Variants in RELN observed in about 807,000 individuals in gnomAD.
RELN encodes the protein reelin.
Under a neutral mutation model 427.6 loss-of-function variants are expected in RELN, and 108 were observed. The observed-to-expected ratio is 0.25, with a 90% CI of 0.22 to 0.30. The LOEUF (loss-of-function observed/expected upper bound fraction) is 0.30. Among genes scored for constraint, RELN ranks in the 10% least tolerant of loss-of-function variants. The pLI, the probability that RELN is intolerant of heterozygous loss-of-function variation, is 1.00. For missense variants in RELN, 3,715 were observed against 4,302.8 expected (o/e 0.86, Z 3.82); for synonymous variants, 1,524 against 1,513.4 (o/e 1.01, Z -0.16).
chr7:103,599,973 C>T (rs767529742), intron 24 of RELN, among the ~76,000 whole-genome samples: 3 of 152,226 alleles, frequency 2.0e-5, no homozygotes, highest in East Asian at 1.9e-4. Context: ...CACAGCTCAC[C>T]GCAACCTCAA....
At chr7:103,821,310 A>G (rs1290314848) in intron 3 of RELN, among the ~76,000 whole-genome samples, 4 of 152,270 alleles carry the variant, frequency 2.6e-5, no homozygotes, top group South Asian at 2.1e-4. Context: ...AAAATAGGAC[A>G]TTGAGTCCAT....
At chr7:103,709,377 T>C (rs1789732218) in intron 8 of RELN, among the ~76,000 whole-genome samples, 1 of 152,192 alleles carries the variant, frequency 6.6e-6, no homozygotes, top group Non-Finnish European at 1.5e-5. Flanking sequence ...TAAATTACAA[T>C]TGGTTAAAGA....
intron 16 of RELN, among the ~76,000 whole-genome samples, chr7:103,648,030 T>C (rs184852860): frequency 1.6e-4 from 25 of 152,146 alleles, no homozygotes; most frequent in Non-Finnish European, 3.1e-4. Flanking sequence ...CCCATATCTC[T>C]TACCATACAC....
intron 31 of RELN, among the ~76,000 whole-genome samples, chr7:103,567,115 G>A (rs1830771251): frequency 6.6e-6 from 1 of 152,184 alleles, no homozygotes; most frequent in Non-Finnish European, 1.5e-5. Context: ...TATATATTCA[G>A]AAGAAATATC....
chr7:103,523,587 C>A, intron 46 of RELN, 56 bp from the exon 47 acceptor site: 1 of 1,590,544 alleles, frequency 6.3e-7, no homozygotes, highest in Non-Finnish European at 8.6e-7. Flanking sequence ...AAATGTGTTC[C>A]AGTATGTTTG....
rs6978613 is a variant in RELN at position 103,748,476 on chromosome 7, G to A, written c.656+950C>T. On this transcript the variant is annotated intron_variant, in intron 6 of 64. Coordinates refer to ENST00000428762, the MANE Select transcript of RELN (RefSeq NM_005045.4). The stretch of plus-strand genomic sequence containing the variant: ...TCTCCTTTCTTTGGAACTCCTCTTC[G>A]GAACACATTTAAGGACTTCTATCCT... Among the ~76,000 whole-genome samples the A allele has an allele frequency of 7.1e-3, 1,081 of 152,154 alleles. 17 individuals are homozygous for A. The highest frequency in any genetic ancestry group is 0.025 in the African/African-American group (1,029 of 41,514).
chr7:103,508,225 C>T (rs1829281613), intron 51 of RELN, among the ~76,000 whole-genome samples: 2 of 152,104 alleles, frequency 1.3e-5, no homozygotes, highest in Admixed American at 6.5e-5. Flanking sequence ...GGCAGAGACA[C>T]CACAAAAAAA....
intron 11 of RELN, among the ~76,000 whole-genome samples, chr7:103,676,155 T>C (rs1194051183): frequency 1.3e-5 from 2 of 152,108 alleles, no homozygotes; most frequent in Non-Finnish European, 2.9e-5. Context: ...AAATGGCTAA[T>C]ATCCAGAATC....
Position 103,520,954 on chromosome 7 carries a change from G to GTTTTTTTTTTTT in RELN, c.7668+1067_7668+1068insAAAAAAAAAAAA, listed in dbSNP as rs1462369530. Among the ~76,000 whole-genome samples, 8 of 78,160 alleles carry GTTTTTTTTTTTT rather than the reference G, an allele frequency of 1.0e-4. 1 individual carries two copies. The highest frequency in any genetic ancestry group is 4.6e-4 in the East Asian group (1 of 2,152). The allele number at this position is 78,160 out of a possible 152,430, so 51.3% of individuals were successfully genotyped here. A position where few individuals can be genotyped will look rare whatever the true frequency, so the allele number is the denominator to read the frequency against. On this transcript the variant is annotated intron_variant, in intron 48 of 64. Coordinates refer to ENST00000428762, the MANE Select transcript of RELN (RefSeq NM_005045.4). ...GAAATAAAGAGCTGGCAGTAAATTTGTTATTTTTTTTTTTTTTTTTTTTTT... is the reference window on the plus strand; with the variant it reads ...GAAATAAAGAGCTGGCAGTAAATTTGTTTTTTTTTTTTTTATTTTTTTTTTTTTTTTTTTTTT...
At chr7:103,803,789 G>T (rs567379953) in intron 3 of RELN, among the ~76,000 whole-genome samples, 1 of 152,020 alleles carries the variant, frequency 6.6e-6, no homozygotes, top group Non-Finnish European at 1.5e-5. Context: ...ACAGCAACTG[G>T]CAAGGTTACA....
intron 19 of RELN, among the ~76,000 whole-genome samples, chr7:103,632,292 G>A (rs1832487264): frequency 6.6e-6 from 1 of 152,190 alleles, no homozygotes; most frequent in South Asian, 2.1e-4. Context: ...CTTATGGCAA[G>A]GGCCAGAAAT....
At chr7:103,818,184 G>A (rs1792927036) in intron 3 of RELN, among the ~76,000 whole-genome samples, 1 of 152,118 alleles carries the variant, frequency 6.6e-6, no homozygotes, top group South Asian at 2.1e-4. Context: ...AGACAAAGAG[G>A]CTCACTCACT....
intron 4 of RELN, among the ~76,000 whole-genome samples, chr7:103,769,222 G>A (rs1791503895): frequency 6.6e-6 from 1 of 152,132 alleles, no homozygotes; most frequent in Admixed American, 6.5e-5. Context: ...TTCAGGTGTT[G>A]CCAGAGTGAC....
At chr7:103,922,515 T>A (rs1391161458) in intron 1 of RELN, among the ~76,000 whole-genome samples, 1 of 152,152 alleles carries the variant, frequency 6.6e-6, no homozygotes, top group African/African-American at 2.4e-5. Flanking sequence ...CTGTGTTAAA[T>A]TGGCAATGAG....
rs538566048 is a variant in RELN, at chr7:103,563,160, C to G, written c.5211-1207G>C. Among the ~76,000 whole-genome samples the G allele has an allele frequency of 2.9e-4, 44 of 152,286 alleles. No individual in the cohort carries two copies. The highest frequency in any genetic ancestry group is 9.9e-4 in the African/African-American group (41 of 41,552). ...TCAATAATATCTCTGAGTACTTCCT[C>G]TGGTATCATCTTATAGCATAAACAG... On this transcript the variant is annotated intron_variant, in intron 34 of 64. Coordinates refer to ENST00000428762, the MANE Select transcript of RELN (RefSeq NM_005045.4). This position sits in a 1 kb window ranked among gnomAD's most constrained non-coding sequence, Gnocchi z 4.1.
intron 1 of RELN, among the ~76,000 whole-genome samples, chr7:103,963,456 T>C (rs1055166849): frequency 1.3e-5 from 2 of 152,202 alleles, no homozygotes; most frequent in Admixed American, 6.5e-5. Flanking sequence ...ATAGACATTA[T>C]CTATGTTATT....
At chr7:103,765,030 G>C (rs1348978622) in intron 4 of RELN, among the ~76,000 whole-genome samples, 1 of 151,674 alleles carries the variant, frequency 6.6e-6, no homozygotes, top group African/African-American at 2.4e-5. Context: ...AGTGCTGGCG[G>C]TAGAGGCCAG....
At chr7:103,737,857 C>T (rs1232177792) in intron 6 of RELN, among the ~76,000 whole-genome samples, 1 of 152,092 alleles carries the variant, frequency 6.6e-6, no homozygotes, top group Non-Finnish European at 1.5e-5. Context: ...ATGGCTTTAG[C>T]TTCCTTTGTT....
Position 103,695,203 on chromosome 7 carries a change from G to A in RELN, c.1143+2650C>T, listed in dbSNP as rs184533455. On this transcript the variant is annotated intron_variant, in intron 10 of 64. Transcript: ENST00000428762. ...TTATTTCTAGAATTCCAAATCACTT[G>A]GCAAAAGCAATTCTTTCATTCTCAG... Among the ~76,000 whole-genome samples the A allele has an allele frequency of 2.6e-5, 4 of 152,016 alleles. No individual in the cohort carries two copies. In the East Asian group the frequency reaches 7.7e-4, roughly 29 times the overall value.
Sources: allele counts gnomAD v4.1 joint callset (sites outside exome capture counted in the v4.1 genomes callset), GRCh38; gene constraint gnomAD v4.1.1; non-coding constraint Gnocchi (gnomAD v3.1); transcripts MANE v1.5; gene names NCBI Gene and HGNC (gene_info 2026-07-23, HGNC 2026-07-21).